Variants in ZBED6 observed in about 807,000 individuals in gnomAD.
The protein encoded by ZBED6 is zinc finger BED domain-containing protein 6.
ZBED6 carries 40 observed loss-of-function variants against 58.4 expected under a neutral mutation model. The observed-to-expected ratio is 0.68, with a 90% CI of 0.53 to 0.89. The LOEUF is 0.89. Ranked by LOEUF, ZBED6 falls within the 40% of genes least tolerant of loss-of-function variation. The pLI is 0.00. For synonymous variants in ZBED6, 439 were observed against 350.6 expected (o/e 1.25, Z -2.82); for missense variants, 1,057 against 1,003.9 (o/e 1.05, Z -0.71).
At chr1:203,813,277 G>C (rs1184071949) in intron 1 of ZBED6, among the ~76,000 whole-genome samples, 1 of 151,862 alleles carries the variant, frequency 6.6e-6, no homozygotes, top group Non-Finnish European at 1.5e-5. Context: ...TGTGATCTCA[G>C]CTCACTGCAA....
In ZBED6 at chr1:203,817,240, A is replaced by G. The variant is rs114669620; in HGVS notation, c.*2753+116A>G. The G allele has an allele frequency of 3.1e-3, 2,304 of 732,658 alleles. 56 individuals carry two copies. The African/African-American group carries it at 0.039, about 13-fold the overall frequency. The allele number at this position is 732,658 out of a possible 1,614,324, so 45.4% of individuals were successfully genotyped here. ...ATATATATATTTTTTGCCCAACTTT[A>G]TTATTGGCTGTCAGTTTTTTAAAGG... On this transcript the variant is annotated intron_variant, in intron 2 of 16. Transcript: ENST00000550078.
intron 11 of ZBED6, among the ~76,000 whole-genome samples, chr1:203,842,793 TGAG>T (rs1427319185): frequency 2.6e-5 from 4 of 151,894 alleles, no homozygotes; most frequent in Non-Finnish European, 4.4e-5. Flanking sequence ...ATCTGGGTAT[TGAG>T]GTTTTCTTTA....
At chr1:203,805,986 G>A (rs755082377) in intron 1 of ZBED6, 8 of 580,592 alleles carry the variant, frequency 1.4e-5, no homozygotes, top group Non-Finnish European at 2.3e-5. Flanking sequence ...ATGACTGGAT[G>A]GTGTAATTAA....
chr1:203,805,057 A>G (rs770728760), intron 1 of ZBED6, among the ~76,000 whole-genome samples: 1 of 152,132 alleles, frequency 6.6e-6, no homozygotes, highest in Non-Finnish European at 1.5e-5. Context: ...CTATTCATCA[A>G]ATATCAAGAA....
rs76757055 is a variant in ZBED6 at position 203,844,983 on chromosome 1, A to G, written c.*3742-2201A>G. 2.0e-5 allele frequency among the ~76,000 whole-genome samples: 3 copies of G among 152,000 alleles called. 1 individual carries two copies. In the South Asian group the frequency reaches 6.2e-4, roughly 32 times the overall value. ...TCAGGAGGAGGTCATGACTGGCCCA[A>G]CTGTTCTATAGGCAGTCCTTAAATT... On this transcript the variant is annotated intron_variant, in intron 11 of 16. Transcript: ENST00000550078.
chr1:203,796,255 G>A (rs1668457901), exon 1 of ZBED6: 1 of 395,304 alleles, frequency 2.5e-6, no homozygotes, highest in Non-Finnish European at 4.5e-6. Context: ...CAGACTGAGT[G>A]CCGGGCGCTG....
chr1:203,818,737 T>C lies in ZBED6; in HGVS notation c.*2873+48T>C, dbSNP rs1677199428. On this transcript the variant is annotated intron_variant, in intron 3 of 16. Coordinates refer to ENST00000550078, the Ensembl canonical transcript of ZBED6. ...CATAATAAGTAGTCTGGAGACCTGG[T>C]GGGCCAATAAAAAATATAGGGACAA... is the stretch of plus-strand genomic sequence containing the variant. The C allele has an allele frequency of 3.1e-6, 5 of 1,611,608 alleles. No individual in the cohort carries two copies. The South Asian group carries it at 4.4e-5, about 14-fold the overall frequency.
chr1:203,827,421 C>T (rs1358925825), intron 3 of ZBED6, among the ~76,000 whole-genome samples: 1 of 151,024 alleles, frequency 6.6e-6, no homozygotes, highest in Non-Finnish European at 1.5e-5. Flanking sequence ...TGGCTCACAC[C>T]TGTAATCCCA....
chr1:203,799,962 A>G (rs1203404246), exon 1 of ZBED6: 2 of 1,536,000 alleles, frequency 1.3e-6, no homozygotes, highest in African/African-American at 2.7e-5. Flanking sequence ...CCAAATTCCA[A>G]CTTCAGAAGC....
In ZBED6 at chr1:203,840,451, T is replaced by C. The variant is rs919033536; in HGVS notation, c.*3741+77T>C. 4.9e-6 allele frequency: 7 copies of C among 1,421,494 alleles called. No homozygotes were observed. In the Admixed American group the frequency reaches 1.5e-4, roughly 30 times the overall value. 88.1% of individuals were successfully genotyped at this position (1,421,494 alleles called of 1,614,324 possible). A position where few individuals can be genotyped will look rare whatever the true frequency, so the allele number is the denominator to read the frequency against. On this transcript the variant is annotated intron_variant, in intron 11 of 16. Coordinates refer to ENST00000550078, the Ensembl canonical transcript of ZBED6. ...GCCTTTGCTTTTTCTCAGATTTACC[T>C]GTTGCTTGCTAGGGCTTTTGATTTT...
intron 13 of ZBED6, among the ~76,000 whole-genome samples, chr1:203,849,150 G>A (rs1211151869): frequency 6.6e-6 from 1 of 152,234 alleles, no homozygotes; most frequent in Non-Finnish European, 1.5e-5. Context: ...CTCCCAACGT[G>A]TTGGGATTAC....
chr1:203,844,287 G>A (rs1029323570), intron 11 of ZBED6, among the ~76,000 whole-genome samples: 40 of 152,072 alleles, frequency 2.6e-4, no homozygotes, highest in African/African-American at 9.2e-4. Flanking sequence ...TCAGCCTCCC[G>A]AGTAAATGGG....
intron 11 of ZBED6, among the ~76,000 whole-genome samples, chr1:203,844,989 C>T (rs527614128): frequency 5.5e-4 from 84 of 152,186 alleles, no homozygotes; most frequent in Non-Finnish European, 1.0e-3. Flanking sequence ...CCCAACTGTT[C>T]TATAGGCAGT....
chr1:203,850,671 A>G, exon 15 of ZBED6: 1 of 1,613,956 alleles, frequency 6.2e-7, no homozygotes, highest in Non-Finnish European at 8.5e-7. Context: ...CCAGCCAAAA[A>G]GGCAGCTGTG....
chr1:203,805,272 C>T (rs926264892), intron 1 of ZBED6, among the ~76,000 whole-genome samples: 1 of 151,100 alleles, frequency 6.6e-6, no homozygotes, highest in East Asian at 2.0e-4. Context: ...AGTAGGACTA[C>T]AGGCGCCCGC....
chr1:203,841,903 G>C (rs565920099), intron 11 of ZBED6, among the ~76,000 whole-genome samples: 1 of 148,382 alleles, frequency 6.7e-6, no homozygotes, highest in Non-Finnish European at 1.5e-5. Flanking sequence ...GGGCAGAGAC[G>C]CTCCTCACCT....
At chr1:203,843,624 C>T (rs1304140390) in intron 11 of ZBED6, among the ~76,000 whole-genome samples, 1 of 152,144 alleles carries the variant, frequency 6.6e-6, no homozygotes. Context: ...CATATGTATG[C>T]AATATGTAAA....
At chr1:203,852,370 C>T in exon 17 of ZBED6, 1 of 1,613,624 alleles carries the variant, frequency 6.2e-7, no homozygotes, top group Non-Finnish European at 8.5e-7. Flanking sequence ...TGACCTTCTG[C>T]TTGAGCTATC....
rs1681544770 is a variant in ZBED6, at chr1:203,829,379, G to T, written c.*2998-72G>T. On this transcript the variant is annotated intron_variant, in intron 4 of 16. Transcript: ENST00000550078. Reference sequence around the variant, plus strand: ...GACAAATACACTATAGTTTTCATAGGTGGTCAGGAATTTTTGGTAAGTTGG... The same window carrying T: ...GACAAATACACTATAGTTTTCATAGTTGGTCAGGAATTTTTGGTAAGTTGG... The T allele has an allele frequency of 8.1e-6, 12 of 1,476,186 alleles. No individual in the cohort carries two copies. In the South Asian group the frequency reaches 1.3e-4, roughly 15 times the overall value. 91.4% of individuals were successfully genotyped at this position (1,476,186 alleles called of 1,614,324 possible).
Sources: gnomAD v4.1 joint callset for allele counts (sites outside exome capture counted in the v4.1 genomes callset) on GRCh38, gnomAD v4.1.1 for gene constraint, MANE v1.5 for transcripts, NCBI Gene and HGNC (gene_info 2026-07-23, HGNC 2026-07-21) for gene names.